Variants in METTL2B observed in about 807,000 individuals in gnomAD.
The protein encoded by METTL2B is methyltransferase 2B, tRNA N3-cytidine.
In METTL2B, 28 loss-of-function variants were observed where a neutral mutation model predicts 51.0. That is an observed-to-expected ratio of 0.55 (90% CI 0.41 to 0.75). The LOEUF (loss-of-function observed/expected upper bound fraction) is 0.75. Among genes scored for constraint, METTL2B ranks in the 30% least tolerant of loss-of-function variants. METTL2B has a pLI of 0.00. For missense variants in METTL2B, 313 were observed against 460.7 expected, an observed-to-expected ratio of 0.68 and a Z score of 2.93; for synonymous variants, 128 against 166.3, an observed-to-expected ratio of 0.77 and a Z score of 1.77.
chr7:128,489,883 C>T (rs1792797514), intron 5 of METTL2B, among the ~76,000 whole-genome samples: 1 of 152,042 alleles, frequency 6.6e-6, no homozygotes, highest in Non-Finnish European at 1.5e-5. Flanking sequence ...CCGCCTCGGC[C>T]TCCCAAAGTG....
chr7:128,488,833 G>GGTGACTCATGCC (rs1284980781), intron 5 of METTL2B, among the ~76,000 whole-genome samples: 2 of 152,132 alleles, frequency 1.3e-5, no homozygotes, highest in Non-Finnish European at 2.9e-5. Flanking sequence ...ATGCCGGTGC[G>GGTGACTCATGCC]GTGACTCATG....
chr7:128,502,480 T>G lies in METTL2B; in HGVS notation c.*564T>G, dbSNP rs1271448457. ...ATACAGGGGTTAGTGAAGGGCTTAT[T>G]AAGTTGTAGGGGAAGCAAGCTGGGA... On this transcript the variant is annotated 3_prime_UTR_variant, in exon 9 of 9. Coordinates refer to ENST00000262432, the MANE Select transcript of METTL2B (RefSeq NM_018396.3). 6 of 400,760 alleles carry G rather than the reference T, an allele frequency of 1.5e-5. No individual in the cohort carries two copies. Among genetic ancestry groups the G allele is most frequent in the Non-Finnish European group, 2.4e-5 (5 of 205,628 alleles). The allele number at this position is 400,760 out of a possible 1,614,324, so 24.8% of individuals were successfully genotyped here. A position where few individuals can be genotyped will look rare whatever the true frequency, so the allele number is the denominator to read the frequency against.
intron 5 of METTL2B, among the ~76,000 whole-genome samples, chr7:128,489,072 G>A (rs1264957667): frequency 1.3e-5 from 2 of 152,122 alleles, no homozygotes; most frequent in Non-Finnish European, 2.9e-5. Flanking sequence ...CTGAGATCGC[G>A]CCACTGCACT....
chr7:128,491,154 C>CAAAA lies in METTL2B; in HGVS notation c.670-2634_670-2631dup, dbSNP rs56007742. On this transcript the variant is annotated intron_variant, in intron 5 of 8. Transcript: ENST00000262432. ...TGGGTGACAGAGCAAGACTCCATCT[C>CAAAA]AAAAAAAAAAAAAAAAAAATGTGTC... Among the ~76,000 whole-genome samples the CAAAA allele has an allele frequency of 2.8e-4, 29 of 103,360 alleles. 1 individual carries two copies. Among genetic ancestry groups the CAAAA allele is most frequent in the African/African-American group, 8.3e-4 (21 of 25,256 alleles). The allele number at this position is 103,360 out of a possible 152,430, so 67.8% of individuals were successfully genotyped here.
intron 4 of METTL2B, 65 bp from the exon 5 acceptor site, chr7:128,488,036 C>T: frequency 8.3e-7 from 1 of 1,209,998 alleles, no homozygotes; most frequent in Non-Finnish European, 1.2e-6. Context: ...CTGTGCTACA[C>T]AAGAATGAGA....
chr7:128,496,267 A>C (rs1330599591), intron 6 of METTL2B, among the ~76,000 whole-genome samples: 1 of 152,210 alleles, frequency 6.6e-6, no homozygotes, highest in African/African-American at 2.4e-5. Context: ...GAGGTTGACC[A>C]GGCACAGTGG....
chr7:128,483,989 G>A (rs1792628461), intron 4 of METTL2B: 1 of 152,194 alleles, frequency 6.6e-6, no homozygotes, highest in South Asian at 2.1e-4. Flanking sequence ...CTCCCAAAGT[G>A]CTGGGATTAC....
chr7:128,501,706 A>G, intron 8 of METTL2B, 56 bp from the exon 9 acceptor site: 1 of 1,602,846 alleles, frequency 6.2e-7, no homozygotes, highest in Non-Finnish European at 8.5e-7. Flanking sequence ...CTTAGTAGAT[A>G]AAAATGCCTT....
chr7:128,493,736 C>A, intron 5 of METTL2B, 68 bp from the exon 6 acceptor site: 1 of 1,523,172 alleles, frequency 6.6e-7, no homozygotes, highest in Non-Finnish European at 8.8e-7. Context: ...AAATTTAAAA[C>A]AAGATAATCT....
intron 1 of METTL2B, 33 bp downstream of exon 1, chr7:128,476,908 C>T: frequency 6.2e-7 from 1 of 1,610,284 alleles, no homozygotes; most frequent in South Asian, 1.1e-5. Context: ...CGGCCTGTCG[C>T]TGGCCGTCTG....
At chr7:128,492,078 A>G (rs2562740) in intron 5 of METTL2B, among the ~76,000 whole-genome samples, 100,041 of 151,752 alleles carry the variant, frequency 0.66, 33,480 homozygotes, top group East Asian at 0.94. Flanking sequence ...AGCTGACTGC[A>G]GCCTTGATCT....
chr7:128,477,791 C>A (rs1211532330), intron 2 of METTL2B, among the ~76,000 whole-genome samples: 1 of 151,220 alleles, frequency 6.6e-6, no homozygotes, highest in Non-Finnish European at 1.5e-5. Context: ...TTGAAGATAG[C>A]ACTACAAATT....
intron 7 of METTL2B, among the ~76,000 whole-genome samples, chr7:128,499,607 C>T (rs1348505192): frequency 1.4e-5 from 2 of 143,742 alleles, no homozygotes; most frequent in Admixed American, 1.4e-4. Flanking sequence ...CAACGTCTGT[C>T]TCTTGGGTTC....
rs1793040786 is a variant in METTL2B at position 128,502,073 on chromosome 7, A to T, written c.*157A>T. ...TGAGCCCAGGAGTCCAGCCTGGGCA[A>T]AATAGCGAGAGACCCTGAATCTGAA... On this transcript the variant is annotated 3_prime_UTR_variant, in exon 9 of 9. Transcript: ENST00000262432. The T allele has an allele frequency of 2.1e-6, 2 of 948,140 alleles. No homozygotes were observed. The highest frequency in any genetic ancestry group is 3.3e-5 in the African/African-American group (2 of 60,424). 58.7% of individuals were successfully genotyped at this position (948,140 alleles called of 1,614,324 possible). A position where few individuals can be genotyped will look rare whatever the true frequency, so the allele number is the denominator to read the frequency against.
intron 6 of METTL2B, among the ~76,000 whole-genome samples, chr7:128,496,736 A>G (rs1792929247): frequency 1.3e-5 from 2 of 151,482 alleles, no homozygotes; most frequent in African/African-American, 4.9e-5. Flanking sequence ...GCAACATAGC[A>G]TAGCAGGACC....
In METTL2B at chr7:128,504,486, G is replaced by A. The variant is rs1222121079; in HGVS notation, c.*2570G>A. 6.6e-6 allele frequency: 1 copy of A among 151,380 alleles called. No individual in the cohort carries two copies. Among genetic ancestry groups the A allele is most frequent in the Admixed American group, 6.6e-5 (1 of 15,188 alleles). 9.4% of individuals were successfully genotyped at this position (151,380 alleles called of 1,614,324 possible). On this transcript the variant is annotated 3_prime_UTR_variant, in exon 9 of 9. Transcript: ENST00000262432. ...TCCTGCCTCAGCCTCCCAAGTAGCT[G>A]GAATTACAGGCATGCAGCACCATTC...
At chr7:128,501,643 A>G in intron 8 of METTL2B, 119 bp from the exon 9 acceptor site, 1 of 1,509,294 alleles carries the variant, frequency 6.6e-7, no homozygotes, top group Non-Finnish European at 8.8e-7. Context: ...TTATAACCAA[A>G]TGGCCATGTA....
intron 4 of METTL2B, among the ~76,000 whole-genome samples, chr7:128,482,098 T>C (rs1484103305): frequency 6.6e-6 from 1 of 152,242 alleles, no homozygotes; most frequent in East Asian, 1.9e-4. Flanking sequence ...CTTACTAGTG[T>C]TGGCCCCACC....
At chr7:128,478,143 A>G (rs1332477500) in intron 2 of METTL2B, among the ~76,000 whole-genome samples, 1 of 151,818 alleles carries the variant, frequency 6.6e-6, no homozygotes, top group Admixed American at 6.6e-5. Flanking sequence ...TTAGGTTTTT[A>G]TTCTTTCTAC....
Sources: allele counts gnomAD v4.1 joint callset (sites outside exome capture counted in the v4.1 genomes callset), GRCh38; gene constraint gnomAD v4.1.1; transcripts MANE v1.5; gene names NCBI Gene and HGNC (gene_info 2026-07-23, HGNC 2026-07-21).